The following ADGRL3 variants were observed in gnomAD, a reference collection of about 807,000 sequenced individuals.
ADGRL3 encodes the protein calcium-independent alpha-latrotoxin receptor 3.
Under a neutral mutation model 153.5 loss-of-function variants are expected in ADGRL3, and 62 were observed. The ratio of observed to expected loss-of-function variants is 0.40; its 90% confidence interval spans 0.33 to 0.50. The LOEUF (loss-of-function observed/expected upper bound fraction) is 0.50, where lower values mean the gene tolerates loss of function less well. Ranked by LOEUF, ADGRL3 falls within the 20% of genes least tolerant of loss-of-function variation. The pLI is 0.47. For synonymous variants in ADGRL3, 710 were observed against 672.5 expected (o/e 1.06, Z -0.86); for missense variants, 1,641 against 1,859.4 (o/e 0.88, Z 2.16).
intron 6 of ADGRL3, among the ~76,000 whole-genome samples, chr4:61,724,479 G>A (rs1580463155): frequency 6.6e-6 from 1 of 152,254 alleles, no homozygotes; most frequent in South Asian, 2.1e-4. Flanking sequence ...GCTAGCAAAA[G>A]CATTCTATGA....
At chr4:62,069,119 T>A (rs1744524961) in intron 26 of ADGRL3, among the ~76,000 whole-genome samples, 1 of 152,206 alleles carries the variant, frequency 6.6e-6, no homozygotes, top group Admixed American at 6.5e-5. Flanking sequence ...CTTGTTTTTC[T>A]GTTCATTCAA....
At chr4:61,473,209 TTGTGTGTGTGTGTGTGTG>T (rs35633555) in intron 2 of ADGRL3, among the ~76,000 whole-genome samples, 10 of 149,118 alleles carry the variant, frequency 6.7e-5, no homozygotes, top group Non-Finnish European at 1.5e-4. Context: ...TTGTATGTGT[TTGTGTGTGTGTGTGTGTG>T]TGTGTGTGTG....
intron 14 of ADGRL3, 27 bp downstream of exon 14, chr4:61,935,050 T>A (rs781302309): frequency 6.3e-7 from 1 of 1,596,178 alleles, no homozygotes; most frequent in Admixed American, 1.7e-5. Flanking sequence ...ATTCAGAAGG[T>A]CCAGACACTC....
intron 2 of ADGRL3, among the ~76,000 whole-genome samples, chr4:61,384,168 C>T (rs993677294): frequency 1.3e-5 from 2 of 151,318 alleles, no homozygotes; most frequent in Non-Finnish European, 3.0e-5. Flanking sequence ...CTGTGCACTA[C>T]GTTTTCCAGT....
chr4:61,414,738 G>C (rs1018140450), intron 2 of ADGRL3, among the ~76,000 whole-genome samples: 1 of 151,688 alleles, frequency 6.6e-6, no homozygotes, highest in Admixed American at 6.6e-5. Context: ...TGTTCTGCTT[G>C]ATCTCTGGTT....
chr4:61,334,654 A>G (rs923096285), intron 1 of ADGRL3, among the ~76,000 whole-genome samples: 2 of 152,112 alleles, frequency 1.3e-5, no homozygotes, highest in Non-Finnish European at 2.9e-5. Context: ...TTCTGCAGCT[A>G]TGTCTCCAAT....
chr4:61,805,285 A>T lies in ADGRL3; in HGVS notation c.1400-8524A>T, dbSNP rs898479787. Among the ~76,000 whole-genome samples, 13 of 152,146 alleles carry T rather than the reference A, an allele frequency of 8.5e-5. 1 individual carries two copies. The highest frequency in any genetic ancestry group is 3.1e-4 in the African/African-American group (13 of 41,424). Reference sequence around the variant, plus strand: ...CATGCTTTCTTATTCTGCTTTTTGAATTAGTGCTACTGAATGTTTTCTGAT... The same window carrying T: ...CATGCTTTCTTATTCTGCTTTTTGATTTAGTGCTACTGAATGTTTTCTGAT... On this transcript the variant is annotated intron_variant, in intron 8 of 26. Coordinates refer to ENST00000683033, the MANE Select transcript of ADGRL3 (RefSeq NM_001387552.1).
chr4:61,813,818 A>G lies in ADGRL3; in HGVS notation c.1409A>G (p.His470Arg). ...GPLDSRSGQAHHGQVSYISPP... is the reference protein window; with the variant it reads ...GPLDSRSGQARHGQVSYISPP... ...TGTTTTGGGTCCACAGGGCAGGCACATCATGGACAAGTTTCATACATTTCT... is the reference window on the plus strand; with the variant it reads ...TGTTTTGGGTCCACAGGGCAGGCACGTCATGGACAAGTTTCATACATTTCT... Residue 470 changes from histidine to arginine, a missense_variant, in exon 9 of 27, where the codon CAT (histidine) becomes CGT (arginine). By Grantham distance (29) the His-to-Arg change is conservative. This residue lies in a region of ADGRL3 where 734 missense variants were observed against 797.0 expected (regional missense o/e 0.92). Coordinates refer to ENST00000683033, the MANE Select transcript of ADGRL3 (RefSeq NM_001387552.1). The G allele has an allele frequency of 1.3e-6, 2 of 1,581,492 alleles. No homozygotes were observed. Among genetic ancestry groups the G allele is most frequent in the Non-Finnish European group, 1.7e-6 (2 of 1,150,428 alleles).
intron 9 of ADGRL3, among the ~76,000 whole-genome samples, chr4:61,841,262 G>GA (rs2098027375): frequency 1.3e-5 from 2 of 152,124 alleles, no homozygotes; most frequent in East Asian, 1.9e-4. Flanking sequence ...AGGCATAACT[G>GA]AAAATTGTTG....
chr4:62,035,705 T>C (rs749818055), intron 23 of ADGRL3, among the ~76,000 whole-genome samples: 1 of 152,214 alleles, frequency 6.6e-6, no homozygotes, highest in East Asian at 1.9e-4. Context: ...ATATTAGTAA[T>C]ATACAATGCC....
chr4:62,069,966 T>C, intron 26 of ADGRL3, 143 bp from the exon 27 acceptor site: 1 of 667,996 alleles, frequency 1.5e-6, no homozygotes, highest in Admixed American at 2.9e-5. Flanking sequence ...ATTTTCTGTT[T>C]CCTTCCAAAC....
intron 8 of ADGRL3, among the ~76,000 whole-genome samples, chr4:61,744,984 G>A (rs2096635737): frequency 6.6e-6 from 1 of 152,144 alleles, no homozygotes; most frequent in Non-Finnish European, 1.5e-5. Flanking sequence ...TTAGGCGAGT[G>A]TATAACTAGA....
intron 1 of ADGRL3, among the ~76,000 whole-genome samples, chr4:61,301,970 A>G (rs1057245664): frequency 2.6e-5 from 4 of 152,216 alleles, no homozygotes; most frequent in South Asian, 4.1e-4. Flanking sequence ...ATAACTTCCT[A>G]GAAATCAGTT....
chr4:61,256,630 A>G (rs1333955832), intron 1 of ADGRL3, among the ~76,000 whole-genome samples: 1 of 152,154 alleles, frequency 6.6e-6, no homozygotes, highest in East Asian at 1.9e-4. Flanking sequence ...ATGAATACCA[A>G]ATCAAACACA....
At chr4:61,754,771 C>A (rs913415949) in intron 8 of ADGRL3, among the ~76,000 whole-genome samples, 2 of 152,072 alleles carry the variant, frequency 1.3e-5, no homozygotes, top group Admixed American at 6.6e-5. Context: ...CTTCCCCCCT[C>A]CCCCCACACC....
At chr4:61,949,938 T>C (rs2098940726) in intron 17 of ADGRL3, among the ~76,000 whole-genome samples, 1 of 152,186 alleles carries the variant, frequency 6.6e-6, no homozygotes, top group South Asian at 2.1e-4. Flanking sequence ...ATATCTCTGC[T>C]ATAATTATCT....
chr4:62,006,811 T>C (rs1432250368), intron 21 of ADGRL3, among the ~76,000 whole-genome samples: 1 of 152,060 alleles, frequency 6.6e-6, no homozygotes, highest in Non-Finnish European at 1.5e-5. Context: ...ATGGTGACTT[T>C]CCAGCCAAAC....
chr4:61,432,574 CTTTCTTTCTTTCTTTCTTTCT>C (rs2097371018), intron 2 of ADGRL3, among the ~76,000 whole-genome samples: 1 of 1,666 alleles, frequency 6.0e-4, no homozygotes, highest in Non-Finnish European at 3.6e-3. Flanking sequence ...CTTTCTCTTC[CTTTCTTTCTTTCTTTCTTTCT>C]TTCTTTCTTT....
At chr4:61,322,474 C>T (rs1376953612) in intron 1 of ADGRL3, among the ~76,000 whole-genome samples, 1 of 152,170 alleles carries the variant, frequency 6.6e-6, no homozygotes, top group East Asian at 1.9e-4. Context: ...CAAGGCAAAA[C>T]CCTTCTGCAT....
Sources: allele counts gnomAD v4.1 joint callset (sites outside exome capture counted in the v4.1 genomes callset), GRCh38; gene constraint gnomAD v4.1.1; regional missense constraint gnomAD v4.1.1; transcripts MANE v1.5; gene names NCBI Gene and HGNC (gene_info 2026-07-23, HGNC 2026-07-21).